The following PRKG2 variants were observed in gnomAD, a reference collection of about 807,000 sequenced individuals.
PRKG2 encodes the protein protein kinase cGMP-dependent 2.
PRKG2 carries 33 observed loss-of-function variants against 97.2 expected under a neutral mutation model. The ratio of observed to expected loss-of-function variants is 0.34; its 90% CI spans 0.26 to 0.45. PRKG2 has a LOEUF of 0.45. PRKG2 is among the 20% of genes least tolerant of loss of function. The probability of loss-of-function intolerance (pLI) is 1.00; values close to 1 mark genes in which losing one functional copy is unlikely to be tolerated. For missense variants in PRKG2, 638 were observed against 900.0 expected (o/e 0.71, Z 3.73); for synonymous variants, 330 against 321.8 (o/e 1.03, Z -0.27).
chr4:81,140,567 T>A lies in PRKG2; in HGVS notation c.1510A>T (p.Ile504Phe), dbSNP rs2110037499. ...AATGGAGAGCACAGCTCCTCTAGGATCCTCTTCTCTGAGTAGACATGCTCC... is the reference window on the plus strand; with the variant it reads ...AATGGAGAGCACAGCTCCTCTAGGAACCTCTTCTCTGAGTAGACATGCTCC... ...QQEHVYSEKR[I>F]LEELCSPFIV... Residue 504 changes from isoleucine to phenylalanine, a missense_variant, in exon 12 of 19, where the codon ATC becomes TTC. By Grantham distance (21) the Ile-to-Phe change is conservative. This residue lies in a region of PRKG2 where 304 missense variants were observed against 460.5 expected (regional missense o/e 0.66). Coordinates refer to ENST00000264399, the MANE Select transcript of PRKG2 (RefSeq NM_006259.3). The A allele has an allele frequency of 6.2e-7, 1 of 1,610,400 alleles. No homozygotes were observed. The highest frequency in any genetic ancestry group is 1.1e-5 in the South Asian group (1 of 90,454).
At chr4:81,138,105 A>G (rs913526869) in intron 12 of PRKG2, among the ~76,000 whole-genome samples, 3 of 152,176 alleles carry the variant, frequency 2.0e-5, no homozygotes, top group Non-Finnish European at 4.4e-5. Flanking sequence ...CATGTCCCCA[A>G]AGAGAGAGTA....
At chr4:81,186,341 T>C (rs866076621) in intron 2 of PRKG2, among the ~76,000 whole-genome samples, 27 of 152,270 alleles carry the variant, frequency 1.8e-4, no homozygotes, top group Middle Eastern at 6.8e-3. Context: ...CACAACTATA[T>C]GGAAACTGAA....
At chr4:81,211,735 A>G (rs2110137801) in intron 1 of PRKG2, among the ~76,000 whole-genome samples, 1 of 152,324 alleles carries the variant, frequency 6.6e-6, no homozygotes, top group South Asian at 2.1e-4. Context: ...GAACTCAAGA[A>G]AAAAATTGAC....
intron 8 of PRKG2, among the ~76,000 whole-genome samples, chr4:81,149,246 A>C (rs1748154538): frequency 6.6e-6 from 1 of 152,188 alleles, no homozygotes; most frequent in Non-Finnish European, 1.5e-5. Flanking sequence ...TGTGAAAGTC[A>C]AAATAAAATA....
intron 6 of PRKG2, among the ~76,000 whole-genome samples, chr4:81,154,531 T>TACTCCAACAGACCTGCAGCTGAGGGTCC (rs1748807447): frequency 8.9e-6 from 1 of 112,464 alleles, no homozygotes; most frequent in Admixed American, 8.1e-5. Flanking sequence ...CACGGCAGGG[T>TACTCCAACAGACCTGCAGCTGAGGGTCC]ACTCCAACAG....
chr4:81,096,257 T>A (rs973211600), intron 17 of PRKG2, among the ~76,000 whole-genome samples: 3 of 152,138 alleles, frequency 2.0e-5, no homozygotes, highest in Non-Finnish European at 4.4e-5. Context: ...AAAACTGAGG[T>A]TAGGCTGGGC....
In PRKG2 at chr4:81,089,436, A is replaced by G. The variant is rs1198792008; in HGVS notation, c.*272T>C. 3 of 308,738 alleles carry G rather than the reference A, an allele frequency of 9.7e-6. No homozygotes were observed. The highest frequency in any genetic ancestry group is 2.1e-5 in the African/African-American group (1 of 46,540). 19.1% of individuals were successfully genotyped at this position (308,738 alleles called of 1,614,324 possible). ...AGAAAAAACTGCCACTTTAACAAAA[A>G]TGGCTCTGATTGTGGAAAGGAAAAT... On this transcript the variant is annotated 3_prime_UTR_variant, in exon 19 of 19. Coordinates refer to ENST00000264399, the MANE Select transcript of PRKG2 (RefSeq NM_006259.3).
At chr4:81,195,962 C>A (rs1358477094) in intron 2 of PRKG2, among the ~76,000 whole-genome samples, 1 of 152,142 alleles carries the variant, frequency 6.6e-6, no homozygotes, top group African/African-American at 2.4e-5. Context: ...TCCTCATCAA[C>A]AAAACACAGC....
intron 1 of PRKG2, among the ~76,000 whole-genome samples, chr4:81,209,736 G>A (rs1578531280): frequency 6.6e-6 from 1 of 152,134 alleles, no homozygotes; most frequent in African/African-American, 2.4e-5. Context: ...ATTTATCTTA[G>A]AGGAAAAACT....
intron 14 of PRKG2, among the ~76,000 whole-genome samples, chr4:81,116,029 C>A (rs944342358): frequency 4.0e-5 from 6 of 151,888 alleles, no homozygotes; most frequent in Admixed American, 1.3e-4. Context: ...CTATTTGAAT[C>A]TTTTTTTTAA....
intron 2 of PRKG2, among the ~76,000 whole-genome samples, chr4:81,201,011 TC>T (rs1245267071): frequency 2.6e-5 from 4 of 151,994 alleles, no homozygotes; most frequent in Non-Finnish European, 5.9e-5. Flanking sequence ...CCCACCTCAA[TC>T]TCACAGGCAT....
intron 6 of PRKG2, 51 bp from the exon 7 acceptor site, chr4:81,153,772 G>A (rs754578509): frequency 7.4e-7 from 1 of 1,358,136 alleles, no homozygotes; most frequent in Non-Finnish European, 1.1e-6. Flanking sequence ...AGCCAAGATG[G>A]CCTAATAGGA....
rs1741675586 is a variant in PRKG2, at chr4:81,092,506, AAGGAAGG to A, written c.2127-61_2127-55del. The stretch of plus-strand genomic sequence containing the variant: ...GAAGGAAGGAAGGAAGGAAGGAAGG[AAGGAAGG>A]GAGAAAGAAAGAGACGACAAAAAGG... On this transcript the variant is annotated intron_variant, in intron 17 of 18. Transcript: ENST00000264399. 4.0e-6 allele frequency: 4 copies of A among 1,004,718 alleles called. No individual in the cohort carries two copies. In the African/African-American group the frequency reaches 6.6e-5, roughly 17 times the overall value. The allele number at this position is 1,004,718 out of a possible 1,614,324, so 62.2% of individuals were successfully genotyped here. A position where few individuals can be genotyped will look rare whatever the true frequency, so the allele number is the denominator to read the frequency against.
At position 81,104,636 on chromosome 4, in the gene PRKG2, C is replaced by T. The variant is rs145025319; in HGVS notation, c.2064-204G>A. On this transcript the variant is annotated intron_variant, in intron 16 of 18. Transcript: ENST00000264399. ...AGACACGACCTCCTCCCTGGAGGAG[C>T]CACAGTTAAATTAGACTTCGGAGTG... is the stretch of plus-strand genomic sequence containing the variant. Among the ~76,000 whole-genome samples the T allele has an allele frequency of 2.3e-3, 355 of 151,840 alleles. 2 individuals are homozygous for T. Among genetic ancestry groups the T allele is most frequent in the African/African-American group, 8.2e-3 (338 of 41,400 alleles).
At chr4:81,216,430 G>A (rs1754275541), upstream of PRKG2, among the ~76,000 whole-genome samples, 1 of 151,916 alleles carries the variant, frequency 6.6e-6, no homozygotes, top group African/African-American at 2.4e-5. Flanking sequence ...GAGAAAATAA[G>A]TAATTGTATG....
intron 8 of PRKG2, among the ~76,000 whole-genome samples, chr4:81,149,363 C>A (rs7696645): frequency 0.38 from 58,356 of 152,012 alleles, 17,166 homozygotes; most frequent in African/African-American, 0.81. Context: ...AGCATAAGAT[C>A]AACCAATCAT....
At chr4:81,176,800 T>G (rs1750967418) in intron 2 of PRKG2, among the ~76,000 whole-genome samples, 1 of 152,214 alleles carries the variant, frequency 6.6e-6, no homozygotes, top group Admixed American at 6.5e-5. Context: ...ACTTCTTTCT[T>G]TTGGTTCTTC....
At chr4:81,159,498 T>G (rs998064538) in intron 6 of PRKG2, among the ~76,000 whole-genome samples, 21 of 152,188 alleles carry the variant, frequency 1.4e-4, no homozygotes, top group South Asian at 6.2e-4. Context: ...GGAACACTTT[T>G]ACACTGTTGG....
intron 6 of PRKG2, among the ~76,000 whole-genome samples, chr4:81,160,453 T>A (rs1749514885): frequency 6.6e-6 from 1 of 152,180 alleles, no homozygotes; most frequent in Admixed American, 6.6e-5. Flanking sequence ...TTCACCTGCA[T>A]AATCTAAATA....
Sources: gnomAD v4.1 joint callset for allele counts (sites outside exome capture counted in the v4.1 genomes callset) on GRCh38, gnomAD v4.1.1 for gene constraint, gnomAD v4.1.1 regional missense constraint, MANE v1.5 for transcripts, NCBI Gene and HGNC (gene_info 2026-07-23, HGNC 2026-07-21) for gene names.